The following CCM2 variants were observed in gnomAD, a reference collection of about 807,000 sequenced individuals.
CCM2 encodes the protein CCM2 scaffold protein, also known as cerebral cavernous malformations 2 protein.
A neutral mutation model predicts 44.9 loss-of-function variants in CCM2; 25 were observed. The observed-to-expected ratio is 0.56, with a 90% CI of 0.41 to 0.78. The LOEUF is 0.78. CCM2 is among the 30% of genes least tolerant of loss of function. The pLI is 0.00. For synonymous variants in CCM2, 219 were observed against 241.1 expected, an observed-to-expected ratio of 0.91 and a Z score of 0.85; for missense variants, 481 against 580.6, an observed-to-expected ratio of 0.83 and a Z score of 1.76.
chr7:45,064,555 G>A lies in CCM2; in HGVS notation c.381G>A (p.Gly127=), dbSNP rs1798678853. The A allele has an allele frequency of 1.2e-6, 2 of 1,613,994 alleles. No homozygotes were observed. The highest frequency in any genetic ancestry group is 1.7e-6 in the Non-Finnish European group (2 of 1,180,022). Reference sequence around the variant, plus strand: ...ACGTCAAGCTGGCCTGGAGGGACGGGGAGGATATCATCCTCAGGGTGCCCA... The same window carrying A: ...ACGTCAAGCTGGCCTGGAGGGACGGAGAGGATATCATCCTCAGGGTGCCCA... ...AYNVKLAWRD[G]EDIILRVPIH... Residue 127 remains glycine, a synonymous_variant, in exon 4 of 10, where the codon GGG becomes GGA. Transcript: ENST00000258781.
rs1170802745 is a variant in CCM2 at position 45,076,325 on chromosome 7, G to A, written c.*268G>A. On this transcript the variant is annotated 3_prime_UTR_variant, in exon 10 of 10. Coordinates refer to ENST00000258781, the MANE Select transcript of CCM2 (RefSeq NM_031443.4). Reference sequence around the variant, plus strand: ...GTGTGTCCCCGCTCGGGGAGGGCCCGGCCGAGCGGGCAGGGAGAGCCAGTC... The same window carrying A: ...GTGTGTCCCCGCTCGGGGAGGGCCCAGCCGAGCGGGCAGGGAGAGCCAGTC... 3 of 640,986 alleles carry A rather than the reference G, an allele frequency of 4.7e-6. No individual in the cohort carries two copies. Among genetic ancestry groups the A allele is most frequent in the Non-Finnish European group, 5.8e-6 (2 of 347,074 alleles). The allele number at this position is 640,986 out of a possible 1,614,324, so 39.7% of individuals were successfully genotyped here. A position where few individuals can be genotyped will look rare whatever the true frequency, so the allele number is the denominator to read the frequency against.
intron 4 of CCM2, among the ~76,000 whole-genome samples, chr7:45,065,080 C>T (rs939208354): frequency 1.3e-5 from 2 of 152,188 alleles, no homozygotes; most frequent in Non-Finnish European, 2.9e-5. Flanking sequence ...GAGACCCAGA[C>T]CTCCCAGGAG....
chr7:45,037,812 T>C (rs1797298446), intron 1 of CCM2, among the ~76,000 whole-genome samples: 2 of 152,162 alleles, frequency 1.3e-5, no homozygotes, highest in South Asian at 4.1e-4. Flanking sequence ...ATAAAAAACA[T>C]ATGCTCCACT....
At chr7:45,057,673 TC>T (rs1798329184) in intron 2 of CCM2, among the ~76,000 whole-genome samples, 1 of 152,142 alleles carries the variant, frequency 6.6e-6, no homozygotes. Flanking sequence ...GTGGAAACAT[TC>T]CAAAATGTTC....
intron 1 of CCM2, among the ~76,000 whole-genome samples, chr7:45,015,991 T>G (rs563342469): frequency 6.6e-6 from 1 of 152,386 alleles, no homozygotes; most frequent in South Asian, 2.1e-4. Flanking sequence ...TTATCATTTT[T>G]AGCACTTTTA....
chr7:45,060,335 AATT>A (rs1471774928), intron 2 of CCM2, among the ~76,000 whole-genome samples: 1 of 152,134 alleles, frequency 6.6e-6, no homozygotes, highest in Non-Finnish European at 1.5e-5. Context: ...CTGTGGAAAA[AATT>A]CCCAGATTTC....
chr7:45,051,749 G>C (rs769175894), intron 2 of CCM2, among the ~76,000 whole-genome samples: 5 of 152,164 alleles, frequency 3.3e-5, no homozygotes, highest in Non-Finnish European at 7.3e-5. Flanking sequence ...TTTTAGTAGA[G>C]ACGGGGTTTC....
Position 45,043,757 on chromosome 7 carries a change from A to AT in CCM2, c.204+5336dup, listed in dbSNP as rs750794683. On this transcript the variant is annotated intron_variant, in intron 2 of 9. Transcript: ENST00000258781. ...TTTATTTTATTTTTCATGCCCTTTC[A>AT]TTTTTCTCTCATTTTTCCTATTCTT... 1.2e-4 allele frequency: 45 copies of AT among 387,532 alleles called. 1 individual carries two copies. Among genetic ancestry groups the AT allele is most frequent in the South Asian group, 8.3e-4 (44 of 52,708 alleles). 24.0% of individuals were successfully genotyped at this position (387,532 alleles called of 1,614,324 possible). A position where few individuals can be genotyped will look rare whatever the true frequency, so the allele number is the denominator to read the frequency against.
At chr7:45,073,053 G>A (rs1799157814) in intron 7 of CCM2, 2 of 605,814 alleles carry the variant, frequency 3.3e-6, no homozygotes, top group African/African-American at 1.8e-5. Flanking sequence ...CATGTTGGAT[G>A]GAGCTGTTCC....
chr7:45,043,628 C>CAA (rs56961380), intron 2 of CCM2: 654 of 284,838 alleles, frequency 2.3e-3, no homozygotes, highest in South Asian at 3.6e-3. Context: ...GACTCCATCC[C>CAA]AAAAAAAAAA....
At chr7:45,044,290 C>T (rs4724352) in intron 2 of CCM2, among the ~76,000 whole-genome samples, 104,242 of 152,128 alleles carry the variant, frequency 0.69, 36,339 homozygotes, top group African/African-American at 0.81. Context: ...CCTGCCACCA[C>T]GCCCAGCTAA....
chr7:45,064,131 C>A, intron 3 of CCM2, 130 bp downstream of exon 3: 1 of 680,252 alleles, frequency 1.5e-6, no homozygotes, highest in South Asian at 1.8e-5. Context: ...TGGCTCTTGG[C>A]CATAAAGACT....
intron 6 of CCM2, 37 bp downstream of exon 6, chr7:45,069,998 G>A (rs1286164301): frequency 6.2e-7 from 1 of 1,610,158 alleles, no homozygotes; most frequent in Non-Finnish European, 8.5e-7. Context: ...GTGGGAGCAG[G>A]GACAGGAGGG....
At chr7:45,007,097 A>G (rs888160287) in intron 1 of CCM2, among the ~76,000 whole-genome samples, 5 of 152,206 alleles carry the variant, frequency 3.3e-5, no homozygotes, top group African/African-American at 4.8e-5. Flanking sequence ...TCTGAGGACC[A>G]AGTCTACACT....
At chr7:45,050,675 T>C (rs1446890223) in intron 2 of CCM2, among the ~76,000 whole-genome samples, 1 of 152,232 alleles carries the variant, frequency 6.6e-6, no homozygotes, top group Non-Finnish European at 1.5e-5. Flanking sequence ...TCTAGATCCA[T>C]TGCCCATTTT....
intron 1 of CCM2, among the ~76,000 whole-genome samples, chr7:45,008,356 CTTTTTTTTT>C (rs59435094): frequency 2.6e-5 from 3 of 114,776 alleles, no homozygotes; most frequent in African/African-American, 1.2e-4. Context: ...GGTACATGTT[CTTTTTTTTT>C]TTTTTTTTTT....
rs549735292 is a variant in CCM2 at position 45,076,077 on chromosome 7, C to T, written c.*20C>T. 11 of 1,612,678 alleles carry T rather than the reference C, an allele frequency of 6.8e-6. No homozygotes were observed. The highest frequency in any genetic ancestry group is 6.8e-6 in the Non-Finnish European group (8 of 1,179,994). On this transcript the variant is annotated 3_prime_UTR_variant, in exon 10 of 10. Coordinates refer to ENST00000258781, the MANE Select transcript of CCM2 (RefSeq NM_031443.4). ...GCATGATGGACAGTGGATGGGGGGG[C>T]ACCCACACCTTCCGCGCAGTCGTCA...
chr7:45,039,796 G>A (rs537925722), intron 2 of CCM2, among the ~76,000 whole-genome samples: 1 of 150,740 alleles, frequency 6.6e-6, no homozygotes, highest in South Asian at 2.1e-4. Context: ...GGAGGCCAAG[G>A]TGTGCGGATC....
At chr7:45,004,712 T>G (rs1379406059) in intron 1 of CCM2, among the ~76,000 whole-genome samples, 2 of 152,144 alleles carry the variant, frequency 1.3e-5, no homozygotes, top group African/African-American at 2.4e-5. Flanking sequence ...TTCTTTCTAT[T>G]ACAACTGGTG....
Sources: gnomAD v4.1 joint callset for allele counts (sites outside exome capture counted in the v4.1 genomes callset) on GRCh38, gnomAD v4.1.1 for gene constraint, MANE v1.5 for transcripts, NCBI Gene and HGNC (gene_info 2026-07-23, HGNC 2026-07-21) for gene names.